GAS7: variants seen among roughly 807,000 people sequenced by gnomAD.
GAS7 encodes the protein growth arrest specific 7.
Under a neutral mutation model 71.1 loss-of-function variants are expected in GAS7, and 28 were observed. The observed-to-expected ratio is 0.39, with a 90% confidence interval of 0.29 to 0.54. GAS7 has a LOEUF of 0.54. Ranked by LOEUF, GAS7 falls within the 20% of genes least tolerant of loss-of-function variation. The pLI is 0.62. For missense variants in GAS7, 436 were observed against 627.8 expected (o/e 0.69, Z 3.27); for synonymous variants, 258 against 245.8 (o/e 1.05, Z -0.46).
chr17:9,958,847 G>A (rs930668874), intron 5 of GAS7: 2 of 379,374 alleles, frequency 5.3e-6, no homozygotes, highest in Non-Finnish European at 8.1e-6. Flanking sequence ...AAGCAACCCT[G>A]CCGTGGCTGT....
rs541684429 is a variant in GAS7, at chr17:10,145,922, G to A, written c.183+52286C>T. Among the ~76,000 whole-genome samples, 28 of 152,310 alleles carry A rather than the reference G, an allele frequency of 1.8e-4. No individual in the cohort carries two copies. The South Asian group carries it at 5.8e-3, about 32-fold the overall frequency. ...ATCTCAACAATGAGAACTTGCCCCC[G>A]TAGTCCCAAAGCCAGGATCTTCGTG... On this transcript the variant is annotated intron_variant, in intron 1 of 13. Transcript: ENST00000432992.
intron 2 of GAS7, among the ~76,000 whole-genome samples, chr17:10,017,452 C>A (rs2072083944): frequency 6.6e-6 from 1 of 152,076 alleles, no homozygotes; most frequent in South Asian, 2.1e-4. Flanking sequence ...CCTCAGCCTC[C>A]CGGGTAGCTG....
chr17:10,180,922 G>A (rs984593389), intron 1 of GAS7, among the ~76,000 whole-genome samples: 8 of 151,724 alleles, frequency 5.3e-5, no homozygotes, highest in Admixed American at 2.0e-4. Flanking sequence ...GTACAAGGAC[G>A]CTAAAGGCTT....
chr17:10,149,104 A>T (rs1022192589), intron 1 of GAS7, among the ~76,000 whole-genome samples: 2 of 151,966 alleles, frequency 1.3e-5, no homozygotes, highest in Non-Finnish European at 1.5e-5. Flanking sequence ...ATTTTGTTTT[A>T]TTTATTCATT....
At chr17:10,178,790 A>G (rs2074392690) in intron 1 of GAS7, among the ~76,000 whole-genome samples, 1 of 144,288 alleles carries the variant, frequency 6.9e-6, no homozygotes, top group South Asian at 2.2e-4. Flanking sequence ...AGAAACAGGA[A>G]GATCTCTGCC....
At position 9,913,884 on chromosome 17, in the gene GAS7, G is replaced by C. The variant is rs951299573; in HGVS notation, c.*3344C>G. The C allele has an allele frequency of 8.6e-6, 2 of 231,684 alleles. No individual in the cohort carries two copies. Among genetic ancestry groups the C allele is most frequent in the African/African-American group, 4.4e-5 (2 of 45,190 alleles). 14.4% of individuals were successfully genotyped at this position (231,684 alleles called of 1,614,324 possible). On this transcript the variant is annotated 3_prime_UTR_variant, in exon 14 of 14. Coordinates refer to ENST00000432992, the MANE Select transcript of GAS7 (RefSeq NM_201433.2). ...TTTCACAAACAGATCTTGTGCATCA[G>C]TCTCCTGGGTGGAGGCAGGTAGAAG... is the stretch of plus-strand genomic sequence containing the variant.
rs113197214 is a variant in GAS7, at chr17:10,146,555, C to T, written c.183+51653G>A. Among the ~76,000 whole-genome samples, 371 of 152,300 alleles carry T rather than the reference C, an allele frequency of 2.4e-3. 3 individuals carry two copies. The highest frequency in any genetic ancestry group is 4.7e-3 in the Non-Finnish European group (321 of 68,028). On this transcript the variant is annotated intron_variant, in intron 1 of 13. Coordinates refer to ENST00000432992, the MANE Select transcript of GAS7 (RefSeq NM_201433.2). Reference sequence around the variant, plus strand: ...CCCCACTCCAAACCTACTGAACCAGCAGCTCTGGGAGGAGGCCCAGCAATC... The same window carrying T: ...CCCCACTCCAAACCTACTGAACCAGTAGCTCTGGGAGGAGGCCCAGCAATC...
chr17:10,122,783 G>C (rs2073915109), intron 1 of GAS7, among the ~76,000 whole-genome samples: 1 of 152,088 alleles, frequency 6.6e-6, no homozygotes, highest in African/African-American at 2.4e-5. Flanking sequence ...GGCTGGCTGG[G>C]AGACCCCATG....
At chr17:10,159,786 CTT>C (rs71139021) in intron 1 of GAS7, among the ~76,000 whole-genome samples, 7 of 134,474 alleles carry the variant, frequency 5.2e-5, no homozygotes, top group Admixed American at 7.6e-5. Flanking sequence ...GAAGTGTGAC[CTT>C]TTTTTTTTTT....
chr17:10,005,209 A>AGG (rs2071462700), intron 2 of GAS7, among the ~76,000 whole-genome samples: 1 of 118,652 alleles, frequency 8.4e-6, no homozygotes, highest in African/African-American at 4.9e-5. Context: ...ATGTGTGTGC[A>AGG]TGTGCGCGTG....
chr17:10,179,252 C>G (rs1986505), intron 1 of GAS7, among the ~76,000 whole-genome samples: 73,674 of 151,592 alleles, frequency 0.49, 18,181 homozygotes, highest in East Asian at 0.57. Context: ...TCGCTTGAAG[C>G]TGGGAGGCGG....
At chr17:9,950,571 CT>C in intron 5 of GAS7, among the ~76,000 whole-genome samples, 1 of 152,146 alleles carries the variant, frequency 6.6e-6, no homozygotes, top group East Asian at 1.9e-4. Context: ...TAAAAGGCAC[CT>C]TGTGGCAGCG....
chr17:10,169,999 C>T (rs1477045653), intron 1 of GAS7, among the ~76,000 whole-genome samples: 6 of 152,176 alleles, frequency 3.9e-5, no homozygotes, highest in Non-Finnish European at 5.9e-5. Flanking sequence ...CTCTCTCAAA[C>T]CTTATACGTG....
intron 4 of GAS7, among the ~76,000 whole-genome samples, chr17:9,968,257 A>G (rs927176495): frequency 1.3e-5 from 2 of 152,232 alleles, no homozygotes; most frequent in Non-Finnish European, 2.9e-5. Context: ...ACATGAGCAG[A>G]GGAGAGAAGG....
At chr17:10,005,179 ATGTGTATGTGCACGCATGCATGTG>A (rs1567880228) in intron 2 of GAS7, among the ~76,000 whole-genome samples, 2 of 120,006 alleles carry the variant, frequency 1.7e-5, no homozygotes, top group Non-Finnish European at 2.0e-5. Context: ...GCATGCATGT[ATGTGTATGTGCACGCATGCATGTG>A]TGTGCATGTG....
At chr17:10,156,418 C>T (rs1033418370) in intron 1 of GAS7, among the ~76,000 whole-genome samples, 1 of 152,232 alleles carries the variant, frequency 6.6e-6, no homozygotes, top group African/African-American at 2.4e-5. Context: ...AAGCTCTCTT[C>T]CAAACTCGTC....
intron 11 of GAS7, among the ~76,000 whole-genome samples, chr17:9,920,572 C>A (rs1281572655): frequency 1.3e-5 from 2 of 152,224 alleles, no homozygotes; most frequent in African/African-American, 4.8e-5. Flanking sequence ...CACTTGTATG[C>A]CCTGGGGTCG....
chr17:10,143,820 T>C (rs2074101797), intron 1 of GAS7, among the ~76,000 whole-genome samples: 1 of 152,306 alleles, frequency 6.6e-6, no homozygotes, highest in South Asian at 2.1e-4. Flanking sequence ...CCACAATCCA[T>C]GGTACTTTGT....
chr17:10,146,314 C>G lies in GAS7; in HGVS notation c.183+51894G>C, dbSNP rs111339582. Among the ~76,000 whole-genome samples the G allele has an allele frequency of 8.9e-4, 136 of 152,338 alleles. 2 individuals are homozygous for G. The highest frequency in any genetic ancestry group is 2.1e-3 in the African/African-American group (89 of 41,592). ...CATCAAACCCACCTTCTTCCCGGGG[C>G]AACCCTAGAAAAGATGTCTCACTCA... On this transcript the variant is annotated intron_variant, in intron 1 of 13. Coordinates refer to ENST00000432992, the MANE Select transcript of GAS7 (RefSeq NM_201433.2).
Sources: allele counts gnomAD v4.1 joint callset (sites outside exome capture counted in the v4.1 genomes callset), GRCh38; gene constraint gnomAD v4.1.1; transcripts MANE v1.5; gene names NCBI Gene and HGNC (gene_info 2026-07-23, HGNC 2026-07-21).